SCFD1: variants seen among roughly 807,000 people sequenced by gnomAD.
The protein encoded by SCFD1 is sec1 family domain-containing protein 1.
A neutral mutation model predicts 103.2 loss-of-function variants in SCFD1; 37 were observed. The observed-to-expected ratio is 0.36, with a 90% confidence interval of 0.28 to 0.47. The LOEUF is 0.47. SCFD1 is among the 20% of genes least tolerant of loss of function. SCFD1 has a pLI of 1.00. For missense variants in SCFD1, 639 were observed against 761.2 expected (o/e 0.84, Z 1.89); for synonymous variants, 264 against 245.0 (o/e 1.08, Z -0.73).
In SCFD1 at chr14:30,660,620, C is replaced by CT. The variant is rs35522948; in HGVS notation, c.855+7043dup. The stretch of plus-strand genomic sequence containing the variant: ...TTAGCCAACATGCTTATATAAATAA[C>CT]TTTTTTTTTTTATCACCTACTTAGG... On this transcript the variant is annotated intron_variant, in intron 10 of 24. Coordinates refer to ENST00000458591, the MANE Select transcript of SCFD1 (RefSeq NM_016106.4). Among the ~76,000 whole-genome samples the CT allele has an allele frequency of 3.8e-3, 555 of 147,910 alleles. 1 individual carries two copies. Among genetic ancestry groups the CT allele is most frequent in the African/African-American group, 0.012 (485 of 40,584 alleles).
chr14:30,703,173 C>T (rs920492477), intron 17 of SCFD1, among the ~76,000 whole-genome samples: 9 of 151,356 alleles, frequency 5.9e-5, no homozygotes, highest in Admixed American at 2.6e-4. Flanking sequence ...GTTGAGGAAA[C>T]AATTAACAAA....
At chr14:30,691,376 C>T (rs1445242140) in intron 14 of SCFD1, among the ~76,000 whole-genome samples, 1 of 152,112 alleles carries the variant, frequency 6.6e-6, no homozygotes, top group Non-Finnish European at 1.5e-5. Context: ...GTTTAGGGTT[C>T]TGTAGAAGAT....
intron 18 of SCFD1, among the ~76,000 whole-genome samples, chr14:30,707,273 A>C (rs1330755686): frequency 6.6e-6 from 1 of 152,186 alleles, no homozygotes; most frequent in African/African-American, 2.4e-5. Context: ...AGGATTACTA[A>C]TCTGTCCCAC....
At chr14:30,725,867 A>T (rs1893006630) in intron 23 of SCFD1, among the ~76,000 whole-genome samples, 1 of 152,208 alleles carries the variant, frequency 6.6e-6, no homozygotes, top group East Asian at 1.9e-4. Flanking sequence ...CAGAAACCAG[A>T]TGCAAACCGT....
intron 4 of SCFD1, among the ~76,000 whole-genome samples, chr14:30,637,474 A>G (rs1225244123): frequency 1.3e-5 from 2 of 152,158 alleles, no homozygotes; most frequent in African/African-American, 4.8e-5. Context: ...CGCTAAAATC[A>G]GGTGCATCTT....
At chr14:30,677,919 A>C (rs1345026041) in intron 14 of SCFD1, among the ~76,000 whole-genome samples, 1 of 135,004 alleles carries the variant, frequency 7.4e-6, no homozygotes, top group South Asian at 2.4e-4. Flanking sequence ...AGCTCACTGC[A>C]ACCTCCACCT....
At chr14:30,678,517 T>C (rs1487532688) in intron 14 of SCFD1, among the ~76,000 whole-genome samples, 2 of 152,220 alleles carry the variant, frequency 1.3e-5, no homozygotes, top group Non-Finnish European at 2.9e-5. Flanking sequence ...TCATCCCTAA[T>C]ACAAATGCAA....
intron 13 of SCFD1, 39 bp from the exon 14 acceptor site, chr14:30,674,945 A>C: frequency 7.8e-7 from 1 of 1,288,274 alleles, no homozygotes. Context: ...TCATTTTAGA[A>C]AATTTATTGG....
chr14:30,663,691 C>G (rs1594641984), intron 10 of SCFD1, among the ~76,000 whole-genome samples: 2 of 152,186 alleles, frequency 1.3e-5, no homozygotes, highest in African/African-American at 4.8e-5. Context: ...GTGATAGAAT[C>G]TAATTCCACT....
intron 15 of SCFD1, among the ~76,000 whole-genome samples, chr14:30,695,086 G>GC (rs1238777710): frequency 1.3e-5 from 2 of 152,120 alleles, no homozygotes; most frequent in Admixed American, 6.5e-5. Context: ...TTATTTGATA[G>GC]TATTTAGGCA....
At chr14:30,716,097 A>G in intron 20 of SCFD1, 120 bp downstream of exon 20, 1 of 686,984 alleles carries the variant, frequency 1.5e-6, no homozygotes, top group South Asian at 1.8e-5. Flanking sequence ...TACATGAGGA[A>G]AAGGAAGAGT....
At chr14:30,644,384 C>T (rs147095793) in intron 7 of SCFD1, among the ~76,000 whole-genome samples, 371 of 152,282 alleles carry the variant, frequency 2.4e-3, no homozygotes, top group African/African-American at 8.5e-3. Context: ...ATTGCTGAGT[C>T]GGATGGTAGT....
intron 1 of SCFD1, among the ~76,000 whole-genome samples, chr14:30,623,235 G>A (rs755610826): frequency 2.0e-5 from 3 of 152,132 alleles, no homozygotes; most frequent in African/African-American, 7.2e-5. Context: ...TAGAAATAAG[G>A]CATCAAGAAT....
intron 19 of SCFD1, among the ~76,000 whole-genome samples, chr14:30,709,337 G>T (rs947047525): frequency 5.9e-5 from 9 of 151,682 alleles, no homozygotes; most frequent in African/African-American, 1.9e-4. Flanking sequence ...AGGCTCTCTT[G>T]CCCAGGCTGG....
rs529136375 is a variant in SCFD1 at position 30,674,805 on chromosome 14, G to A, written c.1161-179G>A. ...TTATTTTAAAATAAGCATTTCACCT[G>A]TATTAATAAATACTGTAGGTGTTCA... is the stretch of plus-strand genomic sequence containing the variant. On this transcript the variant is annotated intron_variant, in intron 13 of 24. Transcript: ENST00000458591. 1.3e-4 allele frequency among the ~76,000 whole-genome samples: 20 copies of A among 152,296 alleles called. No homozygotes were observed. The South Asian group carries it at 3.9e-3, about 30-fold the overall frequency.
chr14:30,707,833 A>G (rs758715461), intron 18 of SCFD1, 157 bp from the exon 19 acceptor site: 3 of 714,662 alleles, frequency 4.2e-6, no homozygotes, highest in Admixed American at 3.9e-5. Context: ...TACCCATGGC[A>G]GCAGAAATTC....
At chr14:30,639,060 T>C (rs1885013978) in intron 5 of SCFD1, among the ~76,000 whole-genome samples, 1 of 152,216 alleles carries the variant, frequency 6.6e-6, no homozygotes, top group Admixed American at 6.5e-5. Flanking sequence ...GGAACAACTT[T>C]TGTTTTCCTT....
intron 5 of SCFD1, 142 bp from the exon 6 acceptor site, chr14:30,639,635 G>A (rs1446431335): frequency 2.4e-6 from 2 of 843,182 alleles, no homozygotes; most frequent in African/African-American, 1.8e-5. Context: ...CAATTAGGCT[G>A]TTACACAGTA....
At chr14:30,683,149 T>A in intron 14 of SCFD1, 1 of 1,123,308 alleles carries the variant, frequency 8.9e-7, no homozygotes, top group South Asian at 1.3e-5. Flanking sequence ...TTCAAGGGGC[T>A]ATCAATGTTG....
Sources: gnomAD v4.1 joint callset for allele counts (sites outside exome capture counted in the v4.1 genomes callset) on GRCh38, gnomAD v4.1.1 for gene constraint, MANE v1.5 for transcripts, NCBI Gene and HGNC (gene_info 2026-07-23, HGNC 2026-07-21) for gene names.